Variants in LLGL1 observed in about 807,000 individuals in gnomAD.
The protein encoded by LLGL1 is lethal(2) giant larvae protein homolog 1.
LLGL1 carries 58 observed loss-of-function variants against 110.6 expected under a neutral mutation model. The observed-to-expected ratio is 0.52, with a 90% confidence interval of 0.42 to 0.65. LLGL1 has a LOEUF of 0.65. Among genes scored for constraint, LLGL1 ranks in the 30% least tolerant of loss-of-function variants. The probability of loss-of-function intolerance (pLI) is 0.00; values close to 1 mark genes in which losing one functional copy is unlikely to be tolerated. For missense variants in LLGL1, 1,229 were observed against 1,462.1 expected, an observed-to-expected ratio of 0.84 and a Z score of 2.60; for synonymous variants, 674 against 607.2, an observed-to-expected ratio of 1.11 and a Z score of -1.62.
rs1344405027 is a variant in LLGL1, at chr17:18,240,679, C to T, written c.2308C>T (p.Pro770Ser). Residue 770 changes from proline (P) to serine (S), a missense_variant, in exon 17 of 23, where the codon CCT becomes TCT. Transcript: ENST00000316843. This position sits in a 1 kb window ranked among gnomAD's most constrained non-coding sequence, Gnocchi z 5.3. ...PAAAVGGEKR[P>S]EQAVEAVLGK... is the part of the protein sequence containing the mutation. ...AGCAGCAGTGGGTGGTGAGAAGCGG[C>T]CTGAGCAAGCGGTGGAGGCCGTGCT... is the stretch of plus-strand genomic sequence containing the variant. 3 of 1,613,022 alleles carry T rather than the reference C, an allele frequency of 1.9e-6. No individual in the cohort carries two copies. Among genetic ancestry groups the T allele is most frequent in the South Asian group, 1.1e-5 (1 of 91,032 alleles).
intron 13 of LLGL1, chr17:18,237,208 T>C (rs1445678018): frequency 1.7e-6 from 1 of 594,326 alleles, no homozygotes; most frequent in East Asian, 2.8e-5. Flanking sequence ...TCCTTATTGC[T>C]AAATGGGAGA....
chr17:18,228,193 C>G (rs2047493480), intron 1 of LLGL1, among the ~76,000 whole-genome samples: 2 of 152,206 alleles, frequency 1.3e-5, no homozygotes, highest in Admixed American at 1.3e-4. Flanking sequence ...GGGATGGTAG[C>G]CAGTGCTGTG....
At chr17:18,237,047 A>G (rs924952783) in intron 13 of LLGL1, 108 bp downstream of exon 13, 6 of 933,266 alleles carry the variant, frequency 6.4e-6, no homozygotes, top group African/African-American at 4.9e-5. Flanking sequence ...GCAAAAGCCA[A>G]GGTGGGAATA....
At chr17:18,238,240 GCTGTGCCTGTGTC>G (rs1192439956) in intron 15 of LLGL1, 26 bp downstream of exon 15, 2 of 1,607,566 alleles carry the variant, frequency 1.2e-6, no homozygotes, top group Admixed American at 1.7e-5. Flanking sequence ...CTGCACAGGA[GCTGTGCCTGTGTC>G]CTGTGCCTTG....
Position 18,234,143 on chromosome 17 carries a change from C to T in LLGL1, c.682C>T (p.Gln228Ter). ...GCTGGTCATCTGGAACCAGGCCTCG[C>T]AGTGTGTGGACCACATCTTCCTGGG... ...GLLVIWNQAS[Q>*]CVDHIFLGNQ... Residue 228 changes from glutamine to a stop codon, truncating the protein, a stop_gained, in exon 6 of 23, where the codon CAG (glutamine) becomes TAG (stop). Coordinates refer to ENST00000316843, the MANE Select transcript of LLGL1 (RefSeq NM_004140.4). LOFTEE classifies it high-confidence loss of function. 1 of 1,609,874 alleles carries T rather than the reference C, an allele frequency of 6.2e-7. No individual in the cohort carries two copies. Among genetic ancestry groups the T allele is most frequent in the Non-Finnish European group, 8.5e-7 (1 of 1,177,676 alleles).
chr17:18,227,155 G>A (rs1414942165), intron 1 of LLGL1, among the ~76,000 whole-genome samples: 9 of 152,144 alleles, frequency 5.9e-5, no homozygotes, highest in Non-Finnish European at 1.3e-4. Context: ...AGTAGTGGAG[G>A]CACTGGGATG....
At position 18,242,573 on chromosome 17, in the gene LLGL1, A is replaced by AC; in HGVS notation, c.3063dup (p.Thr1022HisfsTer21). On this transcript the variant is annotated frameshift_variant, in exon 21 of 23. Coordinates refer to ENST00000316843, the MANE Select transcript of LLGL1 (RefSeq NM_004140.4). LOFTEE classifies it high-confidence loss of function. The stretch of plus-strand genomic sequence containing the variant: ...CATCGACTCAGCCACCAGTGCTGAC[A>AC]CCACGCTGGACACGACAGGGGACGT... 6.2e-7 allele frequency: 1 copy of AC among 1,614,108 alleles called. No homozygotes were observed. Among genetic ancestry groups the AC allele is most frequent in the Non-Finnish European group, 8.5e-7 (1 of 1,179,970 alleles).
At chr17:18,237,857 G>T in intron 14 of LLGL1, 84 bp downstream of exon 14, 1 of 1,464,542 alleles carries the variant, frequency 6.8e-7, no homozygotes, top group Middle Eastern at 2.3e-4. Flanking sequence ...AGTGTTTGGT[G>T]TGGCAAAGGC....
intron 13 of LLGL1, 42 bp from the exon 14 acceptor site, chr17:18,237,439 C>T: frequency 6.7e-7 from 1 of 1,503,244 alleles, no homozygotes; most frequent in Non-Finnish European, 8.9e-7. Context: ...AGGGCGGCCC[C>T]TCCCCTGCGC....
intron 1 of LLGL1, among the ~76,000 whole-genome samples, chr17:18,228,315 C>T (rs1460934795): frequency 6.6e-6 from 1 of 152,170 alleles, no homozygotes; most frequent in Non-Finnish European, 1.5e-5. Flanking sequence ...ACAGGAAGTG[C>T]TGGAGGAAGT....
At position 18,244,736 on chromosome 17, in the gene LLGL1, A is replaced by AGGGGGGGGGGGGGGG. The variant is rs1567700333; in HGVS notation, c.*840_*841insGGGGGGGGGGGGGGG. On this transcript the variant is annotated 3_prime_UTR_variant, in exon 23 of 23. Transcript: ENST00000316843. ...TGTGTGTCCGGCGGGGGGGGGGGGC[A>AGGGGGGGGGGGGGGG]GGGGGGGGGGTCAAGATGAGTTTCC... 1 of 10,198 alleles carries AGGGGGGGGGGGGGGG rather than the reference A, an allele frequency of 9.8e-5. No homozygotes were observed. The highest frequency in any genetic ancestry group is 3.4e-4 in the African/African-American group (1 of 2,942). 0.6% of individuals were successfully genotyped at this position (10,198 alleles called of 1,614,324 possible).
At position 18,237,608 on chromosome 17, in the gene LLGL1, C is replaced by G; in HGVS notation, c.1739C>G (p.Pro580Arg). ...GHERLSPRTG[P>R]LPWPAGFQPR... is the part of the protein sequence containing the mutation. ...GAGCGGCTGAGCCCACGCACGGGGC[C>G]GCTGCCCTGGCCTGCTGGCTTCCAG... Residue 580 changes from proline to arginine, a missense_variant, in exon 14 of 23, where the codon CCG becomes CGG. Physicochemically the swap from Pro to Arg is moderately radical, Grantham distance 103 (BLOSUM62 -2). Coordinates refer to ENST00000316843, the MANE Select transcript of LLGL1 (RefSeq NM_004140.4). 2.5e-6 allele frequency: 4 copies of G among 1,611,146 alleles called. No homozygotes were observed. Among genetic ancestry groups the G allele is most frequent in the Non-Finnish European group, 2.5e-6 (3 of 1,179,788 alleles).
At position 18,239,161 on chromosome 17, in the gene LLGL1, C is replaced by T. The variant is rs118135959; in HGVS notation, c.2206+552C>T. Among the ~76,000 whole-genome samples, 158 of 152,234 alleles carry T rather than the reference C, an allele frequency of 1.0e-3. 4 individuals carry two copies. In the East Asian group the frequency reaches 0.024, roughly 23 times the overall value. On this transcript the variant is annotated intron_variant, in intron 16 of 22. Transcript: ENST00000316843. The stretch of plus-strand genomic sequence containing the variant: ...AGGGAGGTTGAGGCCTGGTGGATGA[C>T]GGTGAGGGGCACCAGCCAGTGCCCA...
At chr17:18,229,662 T>C (rs958292412) in intron 1 of LLGL1, among the ~76,000 whole-genome samples, 3 of 152,144 alleles carry the variant, frequency 2.0e-5, no homozygotes, top group East Asian at 1.9e-4. Context: ...CCTGTGTGCA[T>C]TGAGGGGCAC....
At chr17:18,227,681 A>G (rs1013116619) in intron 1 of LLGL1, among the ~76,000 whole-genome samples, 1 of 152,240 alleles carries the variant, frequency 6.6e-6, no homozygotes, top group African/African-American at 2.4e-5. Flanking sequence ...ATGAGCTGCC[A>G]TGCCTGGCCT....
chr17:18,243,279 T>C (rs191888498), intron 22 of LLGL1, among the ~76,000 whole-genome samples: 3 of 152,222 alleles, frequency 2.0e-5, no homozygotes, highest in African/African-American at 7.2e-5. Flanking sequence ...AGCTAATTTT[T>C]TGTGTTTTTA....
In LLGL1 at chr17:18,238,266, C is replaced by T. The variant is rs774751888; in HGVS notation, c.2052+52C>T. 1.9e-6 allele frequency: 3 copies of T among 1,602,964 alleles called. No homozygotes were observed. The Admixed American group carries it at 5.0e-5, about 27-fold the overall frequency. ...CTGTGCCTGTGTCCTGTGCCTTGGCCTGGCTCTGGCCTGGGACCCCTGGGG... is the reference window on the plus strand; with the variant it reads ...CTGTGCCTGTGTCCTGTGCCTTGGCTTGGCTCTGGCCTGGGACCCCTGGGG... On this transcript the variant is annotated intron_variant, in intron 15 of 22. Coordinates refer to ENST00000316843, the MANE Select transcript of LLGL1 (RefSeq NM_004140.4).
At position 18,240,838 on chromosome 17, in the gene LLGL1, C is replaced by T. The variant is rs1310435977; in HGVS notation, c.2467C>T (p.His823Tyr). The T allele has an allele frequency of 6.4e-7, 1 of 1,559,136 alleles. No individual in the cohort carries two copies. ...LAQAPDMQGG[H>Y]AVLIASEEQF... ...GCAGGCACCTGACATGCAGGGTGGT[C>T]ACGCTGTGCTCATCGCATCTGAGGA... Residue 823 changes from histidine (H) to tyrosine (Y), a missense_variant, in exon 17 of 23, where the codon CAC becomes TAC. His to Tyr is a moderately conservative substitution (Grantham distance 83). Transcript: ENST00000316843. This position sits in a 1 kb window ranked among gnomAD's most constrained non-coding sequence, Gnocchi z 5.3.
At chr17:18,241,772 C>A in intron 18 of LLGL1, 57 bp downstream of exon 18, 1 of 1,608,174 alleles carries the variant, frequency 6.2e-7, no homozygotes, top group South Asian at 1.1e-5. Flanking sequence ...TGAGTGGGAC[C>A]AGTACTGCTT....
Sources: gnomAD v4.1 joint callset for allele counts (sites outside exome capture counted in the v4.1 genomes callset) on GRCh38, gnomAD v4.1.1 for gene constraint, Gnocchi (gnomAD v3.1) non-coding constraint, MANE v1.5 for transcripts, NCBI Gene and HGNC (gene_info 2026-07-23, HGNC 2026-07-21) for gene names.